PAK1: variants seen among roughly 807,000 people sequenced by gnomAD.
The protein encoded by PAK1 is p21 (RAC1) activated kinase 1, also known as serine/threonine-protein kinase PAK 1.
In PAK1, 29 loss-of-function variants were observed where a neutral mutation model predicts 67.4. The observed-to-expected ratio is 0.43, with a 90% CI of 0.32 to 0.59. PAK1 has a LOEUF of 0.59. PAK1 is among the 20% of genes least tolerant of loss of function. The probability of loss-of-function intolerance (pLI) is 0.07; values close to 1 mark genes in which losing one functional copy is unlikely to be tolerated. For synonymous variants in PAK1, 223 were observed against 237.4 expected, an observed-to-expected ratio of 0.94 and a Z score of 0.56; for missense variants, 337 against 670.7, an observed-to-expected ratio of 0.50 and a Z score of 5.50.
chr11:77,513,875 T>A, the PAK1 span, among the ~76,000 whole-genome samples: 9 of 152,090 alleles, frequency 5.9e-5, no homozygotes, highest in Non-Finnish European at 1.3e-4. Flanking sequence ...TAGTCCCCTA[T>A]TAGGAGACTA....
chr11:77,402,855 T>G (rs1214135738), intron 1 of PAK1, among the ~76,000 whole-genome samples: 1 of 152,156 alleles, frequency 6.6e-6, no homozygotes, highest in Non-Finnish European at 1.5e-5. Flanking sequence ...AATCAATCAG[T>G]CCTACAGTTT....
the PAK1 span, among the ~76,000 whole-genome samples, chr11:77,521,970 A>G: frequency 1.3e-5 from 2 of 152,250 alleles, no homozygotes; most frequent in African/African-American, 4.8e-5. Context: ...TCTAATGACG[A>G]TGAGATTTGA....
At chr11:77,456,259 C>T (rs1187075634) in intron 1 of PAK1, among the ~76,000 whole-genome samples, 4 of 151,786 alleles carry the variant, frequency 2.6e-5, no homozygotes, top group Non-Finnish European at 5.9e-5. Context: ...AGCCTTACAA[C>T]GTAGAAGGAA....
intron 8 of PAK1, among the ~76,000 whole-genome samples, chr11:77,352,328 T>C (rs1945366390): frequency 6.6e-6 from 1 of 152,176 alleles, no homozygotes; most frequent in South Asian, 2.1e-4. Context: ...TTTTCATATC[T>C]AGCTTCTTTC....
At chr11:77,396,890 A>G (rs1048444073) in intron 1 of PAK1, 14 of 152,166 alleles carry the variant, frequency 9.2e-5, no homozygotes, top group African/African-American at 2.9e-4. Context: ...TGATCCTCCA[A>G]TGGTCATTTT....
chr11:77,489,596 G>C, the PAK1 span, among the ~76,000 whole-genome samples: 1 of 152,162 alleles, frequency 6.6e-6, no homozygotes, highest in Admixed American at 6.5e-5. Context: ...TTGCAGGCGC[G>C]CGCCGCCACG....
At chr11:77,520,230 C>CAAGGAT in the PAK1 span, among the ~76,000 whole-genome samples, 25 of 152,128 alleles carry the variant, frequency 1.6e-4, no homozygotes, top group African/African-American at 6.0e-4. Flanking sequence ...AGGATAAGGA[C>CAAGGAT]AAGGATAAGG....
At chr11:77,468,300 C>T (rs900441549) in intron 1 of PAK1, among the ~76,000 whole-genome samples, 1 of 152,130 alleles carries the variant, frequency 6.6e-6, no homozygotes, top group Non-Finnish European at 1.5e-5. Context: ...ATCAATACCA[C>T]GAAAACTCAT....
intron 13 of PAK1, among the ~76,000 whole-genome samples, chr11:77,335,250 T>A (rs764881241): frequency 6.6e-6 from 1 of 152,216 alleles, no homozygotes; most frequent in Non-Finnish European, 1.5e-5. Context: ...ATATACCAAC[T>A]ATATATTATC....
At chr11:77,493,445 ATTTTTTTTTTTTT>A in the PAK1 span, among the ~76,000 whole-genome samples, 2 of 70,964 alleles carry the variant, frequency 2.8e-5, no homozygotes, top group South Asian at 7.8e-4. Context: ...TGCCCAGCTA[ATTTTTTTTTTTTT>A]TTTTTTTTTT....
At chr11:77,362,069 A>G (rs1043839522) in intron 5 of PAK1, among the ~76,000 whole-genome samples, 3 of 152,208 alleles carry the variant, frequency 2.0e-5, no homozygotes, top group Admixed American at 1.3e-4. Flanking sequence ...GATAGCATCA[A>G]TTGTTCAACA....
chr11:77,363,064 T>C (rs931011139), intron 5 of PAK1, among the ~76,000 whole-genome samples: 2 of 152,132 alleles, frequency 1.3e-5, no homozygotes, highest in Non-Finnish European at 2.9e-5. Flanking sequence ...AAAAACCACC[T>C]TGGGAAGGCT....
chr11:77,458,319 G>A (rs995044042), intron 1 of PAK1, among the ~76,000 whole-genome samples: 3 of 152,046 alleles, frequency 2.0e-5, no homozygotes, highest in Non-Finnish European at 4.4e-5. Context: ...AAAACATATC[G>A]ATAAGAGGAT....
At chr11:77,495,762 A>G in the PAK1 span, among the ~76,000 whole-genome samples, 1 of 152,230 alleles carries the variant, frequency 6.6e-6, no homozygotes, top group Non-Finnish European at 1.5e-5. Flanking sequence ...CCTTGGCAAT[A>G]TTATGCTAAG....
chr11:77,477,970 G>T (rs565288518), upstream of PAK1, among the ~76,000 whole-genome samples: 32 of 152,248 alleles, frequency 2.1e-4, no homozygotes, highest in South Asian at 3.7e-3. Flanking sequence ...TCCAGTTCAG[G>T]GTTGAGAGTG....
At chr11:77,460,563 T>TC (rs1230833372) in intron 1 of PAK1, among the ~76,000 whole-genome samples, 3 of 151,436 alleles carry the variant, frequency 2.0e-5, no homozygotes, top group African/African-American at 7.3e-5. Context: ...TTTTTTTTTT[T>TC]GGTGAAGAAA....
Position 77,322,897 on chromosome 11 carries a change from T to C in PAK1, c.*377A>G, listed in dbSNP as rs892689356. ...TAAAGAAATCTCAATTGATTACAAA[T>C]TGATAATATTATCAAACCATAAATT... is the stretch of plus-strand genomic sequence containing the variant. On this transcript the variant is annotated 3_prime_UTR_variant, in exon 15 of 15. Coordinates refer to ENST00000356341, the MANE Select transcript of PAK1 (RefSeq NM_002576.5). The C allele has an allele frequency of 2.5e-5, 14 of 553,754 alleles. No individual in the cohort carries two copies. The highest frequency in any genetic ancestry group is 7.4e-5 in the South Asian group (3 of 40,688). The allele number at this position is 553,754 out of a possible 1,614,324, so 34.3% of individuals were successfully genotyped here.
chr11:77,514,784 G>A, the PAK1 span, among the ~76,000 whole-genome samples: 2 of 151,752 alleles, frequency 1.3e-5, no homozygotes, highest in Admixed American at 1.3e-4. Context: ...GCCATTTATC[G>A]AGTACCTGCT....
intron 1 of PAK1, among the ~76,000 whole-genome samples, chr11:77,468,174 A>G (rs913051671): frequency 1.6e-4 from 24 of 152,198 alleles, no homozygotes; most frequent in African/African-American, 5.5e-4. Context: ...AATAAAAGAA[A>G]GCAGCCCATA....
Sources: gnomAD v4.1 joint callset for allele counts (sites outside exome capture counted in the v4.1 genomes callset) on GRCh38, gnomAD v4.1.1 for gene constraint, MANE v1.5 for transcripts, NCBI Gene and HGNC (gene_info 2026-07-23, HGNC 2026-07-21) for gene names.